The following SLC1A4 variants were observed in gnomAD, a reference collection of about 807,000 sequenced individuals.
SLC1A4 encodes the protein neutral amino acid transporter A.
Under a neutral mutation model 37.7 loss-of-function variants are expected in SLC1A4, and 19 were observed. That is an observed-to-expected ratio of 0.50 (90% CI 0.35 to 0.74). The LOEUF is 0.74. Among genes scored for constraint, SLC1A4 ranks in the 30% least tolerant of loss-of-function variants. The pLI, the probability that SLC1A4 is intolerant of heterozygous loss-of-function variation, is 0.01. For synonymous variants in SLC1A4, 299 were observed against 309.8 expected, an observed-to-expected ratio of 0.97 and a Z score of 0.37; for missense variants, 570 against 712.9, an observed-to-expected ratio of 0.80 and a Z score of 2.28.
chr2:65,010,887 C>T (rs996903475), intron 4 of SLC1A4, 124 bp downstream of exon 4: 10 of 935,214 alleles, frequency 1.1e-5, no homozygotes, highest in Non-Finnish European at 1.3e-5. Context: ...GTGGTTGATG[C>T]ACCATGAGCC....
chr2:64,995,712 G>A (rs77595635), intron 1 of SLC1A4, among the ~76,000 whole-genome samples: 5,087 of 152,210 alleles, frequency 0.033, 136 homozygotes, highest in Non-Finnish European at 0.052. Context: ...GCCATATCCT[G>A]TTCTGAAGAG....
At chr2:65,004,372 C>T (rs977813316) in intron 3 of SLC1A4, among the ~76,000 whole-genome samples, 1 of 152,164 alleles carries the variant, frequency 6.6e-6, no homozygotes, top group Non-Finnish European at 1.5e-5. Flanking sequence ...GCCTCAGTCT[C>T]CCGAGTAGCT....
In SLC1A4 at chr2:65,023,224, G is replaced by C. The variant is rs964672393; in HGVS notation, c.*2078G>C. The stretch of plus-strand genomic sequence containing the variant: ...CATTGTTTGATTCCAAATGGTAAAT[G>C]AACACTCACTATTCTTCAGGCTTCA... On this transcript the variant is annotated 3_prime_UTR_variant, in exon 8 of 8. Coordinates refer to ENST00000234256, the MANE Select transcript of SLC1A4 (RefSeq NM_003038.5). The C allele has an allele frequency of 7.2e-5, 11 of 152,200 alleles. No individual in the cohort carries two copies. The highest frequency in any genetic ancestry group is 1.5e-4 in the Non-Finnish European group (10 of 68,046). 9.4% of individuals were successfully genotyped at this position (152,200 alleles called of 1,614,324 possible). A position where few individuals can be genotyped will look rare whatever the true frequency, so the allele number is the denominator to read the frequency against.
chr2:65,003,913 T>C (rs1181974072), intron 2 of SLC1A4, 40 bp from the exon 3 acceptor site: 15 of 1,563,022 alleles, frequency 9.6e-6, no homozygotes, highest in East Asian at 2.2e-5. Flanking sequence ...GGTCTTCACC[T>C]GTGCACTAAC....
intron 1 of SLC1A4, among the ~76,000 whole-genome samples, chr2:64,995,370 G>A (rs1409197863): frequency 6.6e-6 from 1 of 152,216 alleles, no homozygotes; most frequent in Non-Finnish European, 1.5e-5. Flanking sequence ...TGAGTGCTTT[G>A]CCAATATTCT....
intron 5 of SLC1A4, among the ~76,000 whole-genome samples, chr2:65,017,380 A>G (rs1164670738): frequency 1.3e-5 from 2 of 151,924 alleles, no homozygotes; most frequent in East Asian, 1.9e-4. Flanking sequence ...TTTTCCAAAT[A>G]TGTTAAAACT....
rs1674422756 is a variant in SLC1A4 at position 65,021,505 on chromosome 2, CG to C, written c.*361del. ...AAATGCAGATGTATTTCACTCTCCCCGGTCAGCTCTGCATCAGGTGTTTTCT... is the reference window on the plus strand; with the variant it reads ...AAATGCAGATGTATTTCACTCTCCCCGTCAGCTCTGCATCAGGTGTTTTCT... On this transcript the variant is annotated 3_prime_UTR_variant, in exon 8 of 8. Transcript: ENST00000234256. The C allele has an allele frequency of 4.1e-6, 1 of 244,778 alleles. No homozygotes were observed. The highest frequency in any genetic ancestry group is 8.0e-6 in the Non-Finnish European group (1 of 125,764). 15.2% of individuals were successfully genotyped at this position (244,778 alleles called of 1,614,324 possible).
Position 64,989,494 on chromosome 2 carries a change from C to T in SLC1A4, c.-150C>T. ...TGCGCCTCTCCTCGCCTTTCTCGCA[C>T]CTGCTCCTGCGCCAGGCCCGGAGAC... is the stretch of plus-strand genomic sequence containing the variant. On this transcript the variant is annotated 5_prime_UTR_variant, in exon 1 of 8. Transcript: ENST00000234256. The T allele has an allele frequency of 1.6e-6, 1 of 620,096 alleles. No homozygotes were observed. Among genetic ancestry groups the T allele is most frequent in the Non-Finnish European group, 2.4e-6 (1 of 413,862 alleles). 38.4% of individuals were successfully genotyped at this position (620,096 alleles called of 1,614,324 possible).
Position 64,989,908 on chromosome 2 carries a change from A to T in SLC1A4, c.265A>T (p.Ile89Phe), listed in dbSNP as rs750143735. The T allele has an allele frequency of 6.4e-7, 1 of 1,557,914 alleles. No individual in the cohort carries two copies. ...GEMLLRMLRM[I>F]ILPLVVCSLV... Reference sequence around the variant, plus strand: ...GATGCTGCTCCGCATGCTGCGCATGATCATCCTGCCGCTGGTGGTCTGCAG... The same window carrying T: ...GATGCTGCTCCGCATGCTGCGCATGTTCATCCTGCCGCTGGTGGTCTGCAG... Residue 89 changes from isoleucine to phenylalanine, a missense_variant, in exon 1 of 8, where the codon ATC (isoleucine) becomes TTC (phenylalanine). Ile to Phe is a conservative substitution (Grantham distance 21). Transcript: ENST00000234256.
At chr2:65,019,134 AG>A (rs1173736385) in intron 7 of SLC1A4, among the ~76,000 whole-genome samples, 1 of 152,220 alleles carries the variant, frequency 6.6e-6, no homozygotes, top group Non-Finnish European at 1.5e-5. Flanking sequence ...GCTTGGGCTC[AG>A]CAGAGGAGGA....
chr2:65,012,903 A>G (rs899855333), intron 4 of SLC1A4, among the ~76,000 whole-genome samples: 2 of 152,218 alleles, frequency 1.3e-5, no homozygotes, highest in Non-Finnish European at 2.9e-5. Flanking sequence ...ATTAAATTTA[A>G]AAGTAAAAAA....
intron 1 of SLC1A4, among the ~76,000 whole-genome samples, chr2:64,993,968 C>T (rs576766820): frequency 3.9e-5 from 6 of 152,220 alleles, no homozygotes; most frequent in South Asian, 4.1e-4. Flanking sequence ...GCCCTCTTTC[C>T]GTAACCTGAA....
chr2:64,988,851 C>A (rs1334649971), upstream of SLC1A4, among the ~76,000 whole-genome samples: 4 of 149,462 alleles, frequency 2.7e-5, no homozygotes, highest in African/African-American at 9.9e-5. Flanking sequence ...GAGAGGCCGG[C>A]GAGCTCTGGA....
intron 1 of SLC1A4, among the ~76,000 whole-genome samples, chr2:64,990,385 G>A (rs187172919): frequency 3.9e-5 from 6 of 152,314 alleles, no homozygotes; most frequent in South Asian, 2.1e-4. Context: ...ACAATCGAAA[G>A]AGCAGGGCCG....
At position 64,990,025 on chromosome 2, in the gene SLC1A4, G is replaced by T; in HGVS notation, c.382G>T (p.Ala128Ser). The T allele has an allele frequency of 6.2e-7, 1 of 1,603,180 alleles. No homozygotes were observed. The highest frequency in any genetic ancestry group is 8.5e-7 in the Non-Finnish European group (1 of 1,175,022). Residue 128 changes from alanine (A) to serine (S), a missense_variant, in exon 1 of 8, where the codon GCC (alanine) becomes TCC (serine). Transcript: ENST00000234256. ...CTACTTTGGCCTCACCACACTGAGT[G>T]CCTCGGCGCTCGCCGTGGCCTTGGC... ...VAYFGLTTLSASALAVALAFI... is the reference protein window; with the variant it reads ...VAYFGLTTLSSSALAVALAFI...
chr2:64,990,378 A>G (rs1317341103), intron 1 of SLC1A4, among the ~76,000 whole-genome samples: 1 of 152,188 alleles, frequency 6.6e-6, no homozygotes, highest in Non-Finnish European at 1.5e-5. Flanking sequence ...GCACCGCACA[A>G]TCGAAAGAGC....
intron 2 of SLC1A4, among the ~76,000 whole-genome samples, chr2:65,002,570 C>CT (rs70937394): frequency 0.073 from 4,326 of 59,098 alleles, 765 homozygotes; most frequent in African/African-American, 0.18. Flanking sequence ...TGTGACCATT[C>CT]TTTTTTTTTT....
intron 3 of SLC1A4, 138 bp downstream of exon 3, chr2:65,004,153 CT>C: frequency 1.5e-6 from 1 of 684,498 alleles, no homozygotes; most frequent in South Asian, 1.8e-5. Context: ...AGGTTTGCTC[CT>C]TTGGTTATGG....
intron 2 of SLC1A4, among the ~76,000 whole-genome samples, chr2:65,002,455 T>C (rs1425462168): frequency 1.3e-5 from 2 of 151,606 alleles, no homozygotes; most frequent in Non-Finnish European, 2.9e-5. Context: ...GAGTATTCCA[T>C]TGTAAGAGTA....
Sources: allele counts gnomAD v4.1 joint callset (sites outside exome capture counted in the v4.1 genomes callset), GRCh38; gene constraint gnomAD v4.1.1; transcripts MANE v1.5; gene names NCBI Gene and HGNC (gene_info 2026-07-23, HGNC 2026-07-21).